ENTREP2: variants seen among roughly 807,000 people sequenced by gnomAD.
ENTREP2 encodes protein ENTREP2.
chr15:29,386,635 C>G, the ENTREP2 span, among the ~76,000 whole-genome samples: 2 of 152,116 alleles, frequency 1.3e-5, no homozygotes, highest in Non-Finnish European at 2.9e-5. Context: ...ATCCCTAACC[C>G]GCAATGTAAT....
At chr15:29,396,262 C>T in the ENTREP2 span, among the ~76,000 whole-genome samples, 1 of 151,730 alleles carries the variant, frequency 6.6e-6, no homozygotes. Flanking sequence ...TCTCCCCTTT[C>T]CCCTCTCTCC....
chr15:29,673,133 C>T, the ENTREP2 span, among the ~76,000 whole-genome samples: 1 of 152,096 alleles, frequency 6.6e-6, no homozygotes, highest in Non-Finnish European at 1.5e-5. Flanking sequence ...TGTCTTTTAG[C>T]ATGCTAAACA....
At chr15:29,620,846 G>C in the ENTREP2 span, among the ~76,000 whole-genome samples, 1 of 152,058 alleles carries the variant, frequency 6.6e-6, no homozygotes. Flanking sequence ...GAAATGGAGA[G>C]AAAGGAAGAA....
chr15:29,538,982 G>A, the ENTREP2 span, among the ~76,000 whole-genome samples: 1 of 152,216 alleles, frequency 6.6e-6, no homozygotes, highest in Non-Finnish European at 1.5e-5. Context: ...CACGTGGCAT[G>A]TAAGCTTTCT....
the ENTREP2 span, among the ~76,000 whole-genome samples, chr15:29,449,394 A>G: frequency 6.6e-6 from 1 of 152,224 alleles, no homozygotes; most frequent in East Asian, 1.9e-4. Context: ...GTGGAAGATG[A>G]AGGCTTGATC....
At chr15:29,604,047 G>A in the ENTREP2 span, among the ~76,000 whole-genome samples, 3 of 152,172 alleles carry the variant, frequency 2.0e-5, no homozygotes, top group Non-Finnish European at 4.4e-5. Context: ...AGGGAAAGGA[G>A]ACAGTTGCAA....
chr15:29,124,695 G>A, the ENTREP2 span: 4 of 1,550,468 alleles, frequency 2.6e-6, no homozygotes, highest in Non-Finnish European at 2.6e-6. Flanking sequence ...ACCGCTCCCA[G>A]GCACAGCCTC....
the ENTREP2 span, among the ~76,000 whole-genome samples, chr15:29,652,106 G>A: frequency 2.4e-4 from 37 of 152,312 alleles, no homozygotes; most frequent in East Asian, 2.9e-3. Flanking sequence ...CAGAGCAGGA[G>A]AGACAATGGG....
chr15:29,435,546 A>G, the ENTREP2 span, among the ~76,000 whole-genome samples: 1 of 152,064 alleles, frequency 6.6e-6, no homozygotes, highest in Non-Finnish European at 1.5e-5. Flanking sequence ...CCTTCAAACC[A>G]TCTTTATAGT....
chr15:29,429,896 C>A, the ENTREP2 span, among the ~76,000 whole-genome samples: 1 of 152,224 alleles, frequency 6.6e-6, no homozygotes, highest in Non-Finnish European at 1.5e-5. Context: ...TCCTAGCGAG[C>A]CAGGTGGCTT....
At chr15:29,483,839 C>T in the ENTREP2 span, among the ~76,000 whole-genome samples, 1 of 152,298 alleles carries the variant, frequency 6.6e-6, no homozygotes, top group Admixed American at 6.5e-5. Flanking sequence ...CTGATTATTA[C>T]ATTTTTTAAA....
chr15:29,491,270 G>A, the ENTREP2 span, among the ~76,000 whole-genome samples: 2,210 of 152,282 alleles, frequency 0.015, 58 homozygotes, highest in African/African-American at 0.051. Context: ...ACACCTCCCC[G>A]TAAGCAGAGG....
the ENTREP2 span, chr15:29,269,297 C>T: frequency 6.2e-7 from 1 of 1,614,174 alleles, no homozygotes; most frequent in South Asian, 1.1e-5. Flanking sequence ...TACCCGAAGA[C>T]GTACTGGAGG....
chr15:29,149,638 T>TA, the ENTREP2 span, among the ~76,000 whole-genome samples: 2 of 152,164 alleles, frequency 1.3e-5, no homozygotes, highest in East Asian at 3.9e-4. Flanking sequence ...GCTTCATCTT[T>TA]AGAGCCGAGG....
At chr15:29,331,280 C>T in the ENTREP2 span, among the ~76,000 whole-genome samples, 2 of 152,132 alleles carry the variant, frequency 1.3e-5, no homozygotes, top group Non-Finnish European at 2.9e-5. Flanking sequence ...ACAGCAGGCC[C>T]GCCGGGAGGA....
At chr15:29,613,736 T>G in the ENTREP2 span, 8,462 of 167,774 alleles carry the variant, frequency 0.05, 258 homozygotes, top group East Asian at 0.15. Context: ...GTCACCACCT[T>G]CCTCTGCTTC....
At chr15:29,536,164 C>T in the ENTREP2 span, among the ~76,000 whole-genome samples, 100 of 152,248 alleles carry the variant, frequency 6.6e-4, no homozygotes, top group African/African-American at 2.2e-3. Flanking sequence ...TTAGGTCTGA[C>T]CACTGAGGGG....
chr15:29,329,492 T>C, the ENTREP2 span, among the ~76,000 whole-genome samples: 6 of 152,344 alleles, frequency 3.9e-5, no homozygotes, highest in South Asian at 2.1e-4. Flanking sequence ...CCAATGTATT[T>C]CCTTGTTTTG....
the ENTREP2 span, among the ~76,000 whole-genome samples, chr15:29,223,485 T>C: frequency 6.6e-6 from 1 of 152,176 alleles, no homozygotes; most frequent in Non-Finnish European, 1.5e-5. Flanking sequence ...GTAGACATGC[T>C]AGCGGGGAGT....
Sources: allele counts gnomAD v4.1 joint callset (sites outside exome capture counted in the v4.1 genomes callset), GRCh38; gene constraint gnomAD v4.1.1; transcripts MANE v1.5; gene names NCBI Gene and HGNC (gene_info 2026-07-23, HGNC 2026-07-21).